UBAP2: variants seen among roughly 807,000 people sequenced by gnomAD.
UBAP2 encodes ubiquitin-associated protein 2.
Under a neutral mutation model 139.6 loss-of-function variants are expected in UBAP2, and 75 were observed. The ratio of observed to expected loss-of-function variants is 0.54; its 90% CI spans 0.45 to 0.65. The LOEUF is 0.65. Ranked by LOEUF, UBAP2 falls within the 30% of genes least tolerant of loss-of-function variation. UBAP2 has a pLI of 0.00. For missense variants in UBAP2, 1,368 were observed against 1,369.6 expected, an observed-to-expected ratio of 1.00 and a Z score of 0.02; for synonymous variants, 526 against 526.2, an observed-to-expected ratio of 1.00 and a Z score of 0.01.
At chr9:34,019,550 G>A (rs1824713994) in intron 1 of UBAP2, among the ~76,000 whole-genome samples, 1 of 152,146 alleles carries the variant, frequency 6.6e-6, no homozygotes, top group African/African-American at 2.4e-5. Context: ...CACAGGTATG[G>A]AGTTTCTGTA....
intron 15 of UBAP2, among the ~76,000 whole-genome samples, chr9:33,943,027 C>A (rs1825369663): frequency 6.6e-6 from 1 of 152,002 alleles, no homozygotes; most frequent in Non-Finnish European, 1.5e-5. Flanking sequence ...TCAAAAAGAG[C>A]AAACAACCCA....
intron 9 of UBAP2, among the ~76,000 whole-genome samples, chr9:33,962,668 A>AAT (rs1827147234): frequency 1.4e-5 from 2 of 143,704 alleles, no homozygotes; most frequent in Non-Finnish European, 3.0e-5. Context: ...AAATAAATAA[A>AAT]TAAATAAATA....
chr9:33,922,401 TGTCG>T lies in UBAP2; in HGVS notation c.*99_*102del. ...TCCCCACAGAGGCATGGCTGACACATGTCGGGAATTCTAGGAAAGGGCACTGGGC... is the reference window on the plus strand; with the variant it reads ...TCCCCACAGAGGCATGGCTGACACATGGAATTCTAGGAAAGGGCACTGGGC... On this transcript the variant is annotated 3_prime_UTR_variant, in exon 29 of 29. Transcript: ENST00000379238. 9.0e-7 allele frequency: 1 copy of T among 1,111,480 alleles called. No homozygotes were observed. The highest frequency in any genetic ancestry group is 1.5e-5 in the African/African-American group (1 of 64,530). 68.9% of individuals were successfully genotyped at this position (1,111,480 alleles called of 1,614,324 possible).
chr9:33,968,429 A>C, intron 8 of UBAP2: 1 of 561,846 alleles, frequency 1.8e-6, no homozygotes, highest in South Asian at 1.4e-5. Flanking sequence ...ATACATAGTC[A>C]TGGCCGAGGG....
intron 11 of UBAP2, among the ~76,000 whole-genome samples, chr9:33,955,707 TC>T (rs2130986633): frequency 6.6e-6 from 1 of 150,774 alleles, no homozygotes; most frequent in African/African-American, 2.4e-5. Flanking sequence ...ATGCCTGTAA[TC>T]CCAGCTACCT....
intron 22 of UBAP2, among the ~76,000 whole-genome samples, chr9:33,925,946 C>T (rs1028064175): frequency 7.9e-5 from 12 of 152,214 alleles, no homozygotes; most frequent in Admixed American, 5.2e-4. Context: ...GGGCAAGGAG[C>T]GGGCCTATTC....
At chr9:33,925,558 C>G (rs567751968) in intron 22 of UBAP2, among the ~76,000 whole-genome samples, 8 of 152,292 alleles carry the variant, frequency 5.3e-5, no homozygotes, top group Non-Finnish European at 1.0e-4. Context: ...GAATGAATCC[C>G]GGGGCTCAGC....
Position 33,956,121 on chromosome 9 carries a change from G to A in UBAP2, c.824C>T (p.Ala275Val). ...EDLSETKVFTASSAPAENHIL... is the reference protein window; with the variant it reads ...EDLSETKVFTVSSAPAENHIL... ...GTGATTCTCTGCTGGAGCAGATGAG[G>A]CAGTGAAGACCTTTGTTTCAGAAAG... Residue 275 changes from alanine to valine, a missense_variant, in exon 11 of 29, where the codon GCC becomes GTC. Ala to Val is a moderately conservative substitution (Grantham distance 64). Coordinates refer to ENST00000379238, the MANE Select transcript of UBAP2 (RefSeq NM_001370062.2). 1 of 1,613,660 alleles carries A rather than the reference G, an allele frequency of 6.2e-7. No individual in the cohort carries two copies. Among genetic ancestry groups the A allele is most frequent in the South Asian group, 1.1e-5 (1 of 91,000 alleles).
intron 9 of UBAP2, among the ~76,000 whole-genome samples, chr9:33,963,450 TG>T (rs1487091650): frequency 4.6e-5 from 7 of 152,274 alleles, no homozygotes; most frequent in African/African-American, 1.4e-4. Context: ...GAATGTTTTA[TG>T]TTCAATTTAA....
rs1000731780 is a variant in UBAP2 at position 33,924,255 on chromosome 9, G to A, written c.2541C>T (p.Pro847=). The part of the protein sequence containing the change: ...VDYYGIPFAA[P]TALASRDGSL... ...TCCCATCTCGGCTGGCAAGCGCTGT[G>A]GGTGCAGCAAAGGGAATTCCATAGT... Residue 847 remains proline, a synonymous_variant, in exon 23 of 29, where the codon CCC becomes CCT. Coordinates refer to ENST00000379238, the MANE Select transcript of UBAP2 (RefSeq NM_001370062.2). 2 of 1,614,060 alleles carry A rather than the reference G, an allele frequency of 1.2e-6. No homozygotes were observed. Among genetic ancestry groups the A allele is most frequent in the Admixed American group, 1.7e-5 (1 of 60,006 alleles).
intron 2 of UBAP2, among the ~76,000 whole-genome samples, chr9:34,015,445 G>A (rs1442290618): frequency 1.3e-5 from 2 of 151,520 alleles, no homozygotes; most frequent in Admixed American, 6.6e-5. Context: ...TCAGCCTCCC[G>A]ACTAACTGCC....
intron 4 of UBAP2, chr9:33,995,965 GCA>G (rs1822166519): frequency 5.9e-6 from 2 of 338,350 alleles, no homozygotes; most frequent in South Asian, 9.8e-5. Context: ...ATATACACAG[GCA>G]CAGAGATTTT....
At chr9:34,005,440 A>C (rs1420380506) in intron 2 of UBAP2, among the ~76,000 whole-genome samples, 2 of 150,752 alleles carry the variant, frequency 1.3e-5, no homozygotes, top group Non-Finnish European at 3.0e-5. Flanking sequence ...GTCTCAAAAA[A>C]AAAAAAAAAA....
At chr9:34,007,397 G>A (rs189596303) in intron 2 of UBAP2, among the ~76,000 whole-genome samples, 37 of 151,848 alleles carry the variant, frequency 2.4e-4, no homozygotes, top group Middle Eastern at 3.4e-3. Context: ...CCGAGAGGCT[G>A]AGGCAGAAGG....
At chr9:33,954,928 A>G (rs1355855374) in intron 11 of UBAP2, among the ~76,000 whole-genome samples, 1 of 152,174 alleles carries the variant, frequency 6.6e-6, no homozygotes, top group Non-Finnish European at 1.5e-5. Context: ...ATCTTTCCAG[A>G]TCACTACACT....
intron 1 of UBAP2, among the ~76,000 whole-genome samples, chr9:34,045,949 A>G (rs923820862): frequency 1.3e-5 from 2 of 152,084 alleles, no homozygotes; most frequent in African/African-American, 4.8e-5. Context: ...CTTTGGAAAA[A>G]ACGGCTGCTT....
intron 16 of UBAP2, among the ~76,000 whole-genome samples, chr9:33,940,560 C>T (rs558380573): frequency 3.0e-4 from 45 of 152,266 alleles, no homozygotes; most frequent in Admixed American, 6.5e-4. Flanking sequence ...AGGTGGATTG[C>T]GTGAACCCAG....
At chr9:33,996,794 C>T (rs1044820988) in intron 3 of UBAP2, 1 of 157,502 alleles carries the variant, frequency 6.3e-6, no homozygotes, top group African/African-American at 2.4e-5. Flanking sequence ...TGGATTAGAA[C>T]ACTTCAAAGG....
At chr9:33,932,491 C>CCA (rs1824070060) in intron 19 of UBAP2, 71 bp downstream of exon 19, 2 of 1,569,514 alleles carry the variant, frequency 1.3e-6, no homozygotes, top group East Asian at 4.5e-5. Flanking sequence ...GACTGAAGCC[C>CCA]CAGCTGCATG....
Sources: gnomAD v4.1 joint callset for allele counts (sites outside exome capture counted in the v4.1 genomes callset) on GRCh38, gnomAD v4.1.1 for gene constraint, MANE v1.5 for transcripts, NCBI Gene and HGNC (gene_info 2026-07-23, HGNC 2026-07-21) for gene names.